Variants in STPG2 observed in about 807,000 individuals in gnomAD.
STPG2 encodes sperm tail PG-rich repeat containing 2.
Under a neutral mutation model 54.2 loss-of-function variants are expected in STPG2, and 56 were observed. The observed-to-expected ratio is 1.03, with a 90% CI of 0.83 to 1.29. The LOEUF is 1.29. Ranked by LOEUF, STPG2 falls within the 50% of genes most tolerant of loss-of-function variation. The probability of loss-of-function intolerance (pLI) is 0.00; values close to 1 mark genes in which losing one functional copy is unlikely to be tolerated. For synonymous variants in STPG2, 200 were observed against 181.8 expected (o/e 1.10, Z -0.81); for missense variants, 596 against 544.9 (o/e 1.09, Z -0.93).
chr4:97,727,428 A>G (rs1311308396), intron 9 of STPG2, among the ~76,000 whole-genome samples: 1 of 151,934 alleles, frequency 6.6e-6, no homozygotes, highest in Admixed American at 6.6e-5. Context: ...AATAGGATAA[A>G]ACAGGTAAAG....
intron 8 of STPG2, among the ~76,000 whole-genome samples, chr4:97,908,025 T>A (rs886710357): frequency 3.9e-5 from 6 of 152,064 alleles, no homozygotes; most frequent in South Asian, 2.1e-4. Flanking sequence ...AATGGGATCT[T>A]ATTAAACTAA....
intron 9 of STPG2, among the ~76,000 whole-genome samples, chr4:97,831,578 T>A (rs565815100): frequency 6.6e-6 from 1 of 152,048 alleles, no homozygotes; most frequent in East Asian, 1.9e-4. Context: ...AATCAATGAA[T>A]CCAGGAGCTG....
chr4:97,465,267 T>C (rs1356870577), intron 4 of STPG2, among the ~76,000 whole-genome samples: 1 of 152,208 alleles, frequency 6.6e-6, no homozygotes, highest in Non-Finnish European at 1.5e-5. Context: ...TATTTGTCTC[T>C]ATCCAGATTT....
chr4:97,649,072 T>C (rs1721992928), intron 10 of STPG2, among the ~76,000 whole-genome samples: 1 of 152,130 alleles, frequency 6.6e-6, no homozygotes, highest in African/African-American at 2.4e-5. Flanking sequence ...TCCTCACTAA[T>C]TGTCAGAAAA....
At chr4:97,624,612 C>A (rs2148927232) in intron 10 of STPG2, among the ~76,000 whole-genome samples, 1 of 152,232 alleles carries the variant, frequency 6.6e-6, no homozygotes, top group Admixed American at 6.5e-5. Context: ...TGTGCAAAAT[C>A]TCTTTAGTTT....
intron 4 of STPG2, among the ~76,000 whole-genome samples, chr4:97,506,382 G>C (rs1002814414): frequency 9.2e-5 from 14 of 151,704 alleles, no homozygotes; most frequent in Middle Eastern, 6.8e-3. Flanking sequence ...GCGCCGACCT[G>C]AACTTCTACA....
At chr4:98,052,307 C>T (rs570153374) in intron 5 of STPG2, among the ~76,000 whole-genome samples, 2 of 152,150 alleles carry the variant, frequency 1.3e-5, no homozygotes, top group Admixed American at 6.5e-5. Context: ...GAGGAATATA[C>T]CTGAACTTAT....
intron 10 of STPG2, among the ~76,000 whole-genome samples, chr4:97,578,195 C>T (rs1732771965): frequency 6.6e-6 from 1 of 151,434 alleles, no homozygotes; most frequent in African/African-American, 2.4e-5. Context: ...ACATCCACCT[C>T]CCAGGCTCAA....
chr4:97,596,545 C>CA, intron 10 of STPG2, among the ~76,000 whole-genome samples: 1 of 151,978 alleles, frequency 6.6e-6, no homozygotes, highest in South Asian at 2.1e-4. Flanking sequence ...TCAAAAAAGC[C>CA]AAAATCATAC....
chr4:97,467,250 A>G (rs192206393), intron 4 of STPG2, among the ~76,000 whole-genome samples: 2 of 152,086 alleles, frequency 1.3e-5, no homozygotes, highest in Admixed American at 1.3e-4. Context: ...ATCATAAAAG[A>G]GGTTTATCAT....
rs189004613 is a variant in STPG2, at chr4:97,692,005, C to T, written c.1320+20694G>A. Among the ~76,000 whole-genome samples, 7 of 152,244 alleles carry T rather than the reference C, an allele frequency of 4.6e-5. No homozygotes were observed. In the East Asian group the frequency reaches 1.4e-3, roughly 29 times the overall value. ...AAGAGCACTGCATGAAAGGAGCACC[C>T]TATGGGACAAAAAGACAATCTGAAC... is the stretch of plus-strand genomic sequence containing the variant. On this transcript the variant is annotated intron_variant, in intron 10 of 10. Transcript: ENST00000295268.
chr4:97,830,494 A>G (rs1728418469), intron 9 of STPG2, among the ~76,000 whole-genome samples: 1 of 152,196 alleles, frequency 6.6e-6, no homozygotes, highest in South Asian at 2.1e-4. Flanking sequence ...ACCTAGCATC[A>G]TAATGACAGG....
At chr4:97,462,028 C>T (rs1729677016) in intron 4 of STPG2, among the ~76,000 whole-genome samples, 1 of 151,972 alleles carries the variant, frequency 6.6e-6, no homozygotes, top group Non-Finnish European at 1.5e-5. Context: ...TTAACTTAAC[C>T]TCATGAAGAT....
chr4:97,897,256 G>T (rs573025259), intron 8 of STPG2, among the ~76,000 whole-genome samples: 15 of 152,016 alleles, frequency 9.9e-5, no homozygotes, highest in African/African-American at 3.6e-4. Flanking sequence ...TTTTATAATT[G>T]CATAGTATTC....
intron 5 of STPG2, among the ~76,000 whole-genome samples, chr4:98,071,199 G>A (rs1189142660): frequency 6.6e-6 from 1 of 152,066 alleles, no homozygotes; most frequent in Non-Finnish European, 1.5e-5. Context: ...AAACAGCATG[G>A]TACTGGTACA....
intron 10 of STPG2, among the ~76,000 whole-genome samples, chr4:97,708,197 TG>T (rs1379524056): frequency 6.6e-6 from 1 of 151,790 alleles, no homozygotes; most frequent in Non-Finnish European, 1.5e-5. Flanking sequence ...AATGTGGGAA[TG>T]TTTTTTTAAA....
At chr4:97,695,822 G>A (rs1158854788) in intron 10 of STPG2, among the ~76,000 whole-genome samples, 1 of 150,976 alleles carries the variant, frequency 6.6e-6, no homozygotes, top group Non-Finnish European at 1.5e-5. Flanking sequence ...CTTCTGCAAG[G>A]AAAACTACGA....
intron 10 of STPG2, among the ~76,000 whole-genome samples, chr4:97,682,610 A>G (rs1268449112): frequency 6.6e-6 from 1 of 151,804 alleles, no homozygotes; most frequent in African/African-American, 2.4e-5. Flanking sequence ...CATTTACTGT[A>G]ATATATGTCC....
chr4:97,696,905 C>T (rs1578488066), intron 10 of STPG2, among the ~76,000 whole-genome samples: 1 of 152,118 alleles, frequency 6.6e-6, no homozygotes, highest in African/African-American at 2.4e-5. Flanking sequence ...GCATACCACC[C>T]TCAAAAAACT....
Sources: gnomAD v4.1 joint callset for allele counts (sites outside exome capture counted in the v4.1 genomes callset) on GRCh38, gnomAD v4.1.1 for gene constraint, MANE v1.5 for transcripts, NCBI Gene and HGNC (gene_info 2026-07-23, HGNC 2026-07-21) for gene names.